Variants in IQGAP3 observed in about 807,000 individuals in gnomAD.
IQGAP3 encodes ras GTPase-activating-like protein IQGAP3.
Under a neutral mutation model 208.2 loss-of-function variants are expected in IQGAP3, and 165 were observed. That is an observed-to-expected ratio of 0.79 (90% CI 0.70 to 0.90). The LOEUF is 0.90. Among genes scored for constraint, IQGAP3 ranks in the 40% least tolerant of loss-of-function variants. The pLI is 0.00. For missense variants in IQGAP3, 1,811 were observed against 2,043.1 expected (o/e 0.89, Z 2.19); for synonymous variants, 703 against 803.6 (o/e 0.87, Z 2.12).
intron 36 of IQGAP3, among the ~76,000 whole-genome samples, 179 bp from the exon 37 acceptor site, chr1:156,528,239 A>G (rs2102346989): frequency 6.6e-6 from 1 of 151,880 alleles, no homozygotes; most frequent in Middle Eastern, 3.4e-3. Flanking sequence ...TCCCCACACC[A>G]TCTCTTTATC....
At chr1:156,533,453 A>G (rs1357869622) in intron 31 of IQGAP3, among the ~76,000 whole-genome samples, 1 of 152,056 alleles carries the variant, frequency 6.6e-6, no homozygotes. Flanking sequence ...TCCTCCCAGT[A>G]AGTTGGCTTC....
In IQGAP3 at chr1:156,534,525, A is replaced by C; in HGVS notation, c.3716T>G (p.Leu1239Arg). 1.3e-6 allele frequency: 2 copies of C among 1,589,196 alleles called. No individual in the cohort carries two copies. The highest frequency in any genetic ancestry group is 1.7e-6 in the Non-Finnish European group (2 of 1,168,256). ...SQHLRVLNDY[L>R]EETHLKFRKF... is the part of the protein sequence containing the mutation. ...CCTGAACTTGAGGTGTGTTTCCTCCAGATAGTCATTCAGGACCCGTAGGTG... is the reference window on the plus strand; with the variant it reads ...CCTGAACTTGAGGTGTGTTTCCTCCCGATAGTCATTCAGGACCCGTAGGTG... Residue 1239 changes from leucine (L) to arginine (R), a missense_variant, in exon 29 of 38, where the codon CTG (leucine) becomes CGG (arginine). Leu to Arg is a moderately radical substitution (Grantham distance 102, BLOSUM62 -2). Transcript: ENST00000361170.
intron 18 of IQGAP3, 25 bp from the exon 19 acceptor site, chr1:156,548,268 G>A (rs1164965765): frequency 6.2e-7 from 1 of 1,610,870 alleles, no homozygotes; most frequent in Non-Finnish European, 8.5e-7. Context: ...GAGAGACGCT[G>A]TGGTCTTTTG....
rs1675576134 is a variant in IQGAP3, at chr1:156,552,015, G to A, written c.1529C>T (p.Thr510Ile). 1 of 1,614,076 alleles carries A rather than the reference G, an allele frequency of 6.2e-7. No homozygotes were observed. The highest frequency in any genetic ancestry group is 1.3e-5 in the African/African-American group (1 of 74,944). ...GGTCTGTGCATTGACCTGGCTCACGGTGGCCTGCAGGTCATTCCAGCTCAG... is the reference window on the plus strand; with the variant it reads ...GGTCTGTGCATTGACCTGGCTCACGATGGCCTGCAGGTCATTCCAGCTCAG... ...DFLSWNDLQA[T>I]VSQVNAQTQE... The change falls in exon 14 of 38, where the codon ACC (threonine) becomes ATC (isoleucine). Residue 510 changes from threonine (T) to isoleucine (I), a missense_variant. Coordinates refer to ENST00000361170, the MANE Select transcript of IQGAP3 (RefSeq NM_178229.5).
Position 156,569,369 on chromosome 1 carries a change from C to T in IQGAP3, c.125+7G>A, listed in dbSNP as rs374076577. ...AGAAAGAGTCCATCTTCCTGGACTC[C>T]GCTCACCGCTTGGCCTCCTCCAGCC... On this transcript the variant is annotated splice_region_variant and intron_variant, in intron 2 of 37. Transcript: ENST00000361170. 197 of 1,602,550 alleles carry T rather than the reference C, an allele frequency of 1.2e-4. No homozygotes were observed. The highest frequency in any genetic ancestry group is 5.1e-4 in the African/African-American group (38 of 74,604).
rs770632611 is a variant in IQGAP3, at chr1:156,554,395, A to G, written c.1291-3T>C. On this transcript the variant is annotated splice_polypyrimidine_tract_variant and splice_region_variant and intron_variant, in intron 12 of 37. Transcript: ENST00000361170. Reference sequence around the variant, plus strand: ...AAGAGCTCCTCCTGGCCAAGCTCCTACAATGGGTGGGAGGGCCAATTCCCA... The same window carrying G: ...AAGAGCTCCTCCTGGCCAAGCTCCTGCAATGGGTGGGAGGGCCAATTCCCA... 6.3e-7 allele frequency: 1 copy of G among 1,598,410 alleles called. No individual in the cohort carries two copies. Among genetic ancestry groups the G allele is most frequent in the Non-Finnish European group, 8.5e-7 (1 of 1,173,446 alleles).
At chr1:156,564,847 A>T (rs1320394859) in intron 4 of IQGAP3, among the ~76,000 whole-genome samples, 156 bp from the exon 5 acceptor site, 1 of 152,142 alleles carries the variant, frequency 6.6e-6, no homozygotes, top group Non-Finnish European at 1.5e-5. Context: ...AACCATTTCT[A>T]GTCAGCCTAG....
At chr1:156,562,804 T>C (rs944267707) in intron 8 of IQGAP3, 139 bp from the exon 9 acceptor site, 2 of 803,844 alleles carry the variant, frequency 2.5e-6, no homozygotes, top group South Asian at 1.5e-5. Flanking sequence ...AATTCAGGAA[T>C]TGTGGGGTCT....
At chr1:156,567,113 C>T (rs1184829868) in intron 2 of IQGAP3, among the ~76,000 whole-genome samples, 21 of 152,170 alleles carry the variant, frequency 1.4e-4, no homozygotes, top group African/African-American at 4.6e-4. Flanking sequence ...GTGATCCGCC[C>T]GCCTTGGCCT....
At chr1:156,561,741 G>GAAT in intron 10 of IQGAP3, 97 bp downstream of exon 10, 1 of 1,220,620 alleles carries the variant, frequency 8.2e-7, no homozygotes, top group East Asian at 2.5e-5. Context: ...AGCACTTACA[G>GAAT]AATACAAAGG....
At chr1:156,545,087 CAAA>C (rs145222261) in intron 19 of IQGAP3, among the ~76,000 whole-genome samples, 12,042 of 152,192 alleles carry the variant, frequency 0.079, 548 homozygotes, top group Middle Eastern at 0.14. Context: ...TAGTTCTCAG[CAAA>C]TCTTCCCACC....
intron 37 of IQGAP3, among the ~76,000 whole-genome samples, chr1:156,527,650 G>A (rs1236126814): frequency 6.6e-6 from 1 of 152,168 alleles, no homozygotes; most frequent in Non-Finnish European, 1.5e-5. Flanking sequence ...GAGGATTAAA[G>A]GAGGTAACAT....
chr1:156,533,467 C>T (rs1027571187), intron 31 of IQGAP3, among the ~76,000 whole-genome samples: 2 of 152,210 alleles, frequency 1.3e-5, no homozygotes, highest in Non-Finnish European at 2.9e-5. Flanking sequence ...TGGCTTCCTC[C>T]TATTCCATGG....
In IQGAP3 at chr1:156,538,984, C is replaced by T; in HGVS notation, c.3106G>A (p.Val1036Met). ...CGGTAGAATCTCACCACCAGCCTCA[C>T]CACTGTTGGGTTGCCTGTCACCACG... The part of the protein sequence containing the change: ...QDVVTGNPTV[V>M]RLVVRFYRNG... The change falls in exon 26 of 38, where the codon GTG becomes ATG. Residue 1036 changes from valine (V) to methionine (M), a missense_variant. Coordinates refer to ENST00000361170, the MANE Select transcript of IQGAP3 (RefSeq NM_178229.5). 3.7e-6 allele frequency: 6 copies of T among 1,614,194 alleles called. No homozygotes were observed. The highest frequency in any genetic ancestry group is 5.1e-6 in the Non-Finnish European group (6 of 1,180,024).
At position 156,569,480 on chromosome 1, in the gene IQGAP3, GA is replaced by G. The variant is rs1458228974; in HGVS notation, c.38-18del. The G allele has an allele frequency of 6.6e-7, 1 of 1,516,754 alleles. No individual in the cohort carries two copies. The highest frequency in any genetic ancestry group is 9.1e-7 in the Non-Finnish European group (1 of 1,101,148). 94.0% of individuals were successfully genotyped at this position (1,516,754 alleles called of 1,614,324 possible). ...GGCGTTCATCTGAGGAGTTAAACGG[GA>G]TAAGGTCAATGAAGAGAGCATTAGA... On this transcript the variant is annotated intron_variant, in intron 1 of 37. Coordinates refer to ENST00000361170, the MANE Select transcript of IQGAP3 (RefSeq NM_178229.5).
chr1:156,552,043 AG>A lies in IQGAP3; in HGVS notation c.1500del (p.Phe501SerfsTer2). The A allele has an allele frequency of 6.2e-7, 1 of 1,614,174 alleles. No homozygotes were observed. The highest frequency in any genetic ancestry group is 8.5e-7 in the Non-Finnish European group (1 of 1,180,018). ...GCCTGCAGGTCATTCCAGCTCAGGA[AG>A]TCCTCACCCATCCCACGCTCCTGTC... ...KLRQERGMGE[D>X]FLSWNDLQAT... is the part of the protein sequence containing the mutation. On this transcript the variant is annotated frameshift_variant, in exon 14 of 38. Coordinates refer to ENST00000361170, the MANE Select transcript of IQGAP3 (RefSeq NM_178229.5). LOFTEE classifies it high-confidence loss of function.
intron 33 of IQGAP3, 66 bp downstream of exon 33, chr1:156,531,094 G>A (rs1477401317): frequency 9.1e-7 from 1 of 1,101,954 alleles, no homozygotes; most frequent in Non-Finnish European, 1.4e-6. Context: ...GGAAACAGCA[G>A]CGGTGCAGGT....
chr1:156,562,700 C>A (rs765855322), intron 8 of IQGAP3, 35 bp from the exon 9 acceptor site: 7 of 1,555,548 alleles, frequency 4.5e-6, no homozygotes, highest in African/African-American at 1.4e-5. Flanking sequence ...ACCTGGGAAA[C>A]CCAATTTAAT....
intron 1 of IQGAP3, among the ~76,000 whole-genome samples, chr1:156,570,921 T>C (rs1334243946): frequency 6.6e-6 from 1 of 152,200 alleles, no homozygotes; most frequent in Non-Finnish European, 1.5e-5. Context: ...GGATTCTAGC[T>C]ATGAACTAGA....
Sources: gnomAD v4.1 joint callset for allele counts (sites outside exome capture counted in the v4.1 genomes callset) on GRCh38, gnomAD v4.1.1 for gene constraint, MANE v1.5 for transcripts, NCBI Gene and HGNC (gene_info 2026-07-23, HGNC 2026-07-21) for gene names.